Variants in KCNK10 observed in about 807,000 individuals in gnomAD.
KCNK10 encodes the protein potassium two pore domain channel subfamily K member 10.
KCNK10 carries 25 observed loss-of-function variants against 47.7 expected under a neutral mutation model. That is an observed-to-expected ratio of 0.52 (90% CI 0.38 to 0.73). KCNK10 has a LOEUF of 0.73. KCNK10 is among the 30% of genes least tolerant of loss of function. The pLI is 0.00. For missense variants in KCNK10, 563 were observed against 714.5 expected (o/e 0.79, Z 2.42); for synonymous variants, 303 against 285.6 (o/e 1.06, Z -0.61).
At position 88,180,843 on chromosome 14, in the gene KCNK10, G is replaced by C. The variant is rs983912120; in HGVS notation, c.*4692C>G. ...GGCTTTGCTTACAGCCATGTAATTA[G>C]CATGCTGTTCCAAAGTTTCCCTATG... On this transcript the variant is annotated 3_prime_UTR_variant, in exon 7 of 7. Transcript: ENST00000319231. The C allele has an allele frequency of 2.5e-6, 1 of 398,594 alleles. No homozygotes were observed. Among genetic ancestry groups the C allele is most frequent in the African/African-American group, 2.1e-5 (1 of 48,632 alleles). The allele number at this position is 398,594 out of a possible 1,614,324, so 24.7% of individuals were successfully genotyped here.
At chr14:88,253,125 G>A (rs753658579) in intron 2 of KCNK10, among the ~76,000 whole-genome samples, 12 of 152,184 alleles carry the variant, frequency 7.9e-5, no homozygotes, top group Non-Finnish European at 1.5e-4. Context: ...GTGCAATGGA[G>A]AGAGGCAAAT....
At chr14:88,257,055 C>T (rs1886977260) in intron 2 of KCNK10, among the ~76,000 whole-genome samples, 1 of 152,154 alleles carries the variant, frequency 6.6e-6, no homozygotes, top group Non-Finnish European at 1.5e-5. Flanking sequence ...CAGCACATAG[C>T]AGAAATCTTT....
chr14:88,200,595 T>C (rs559949666), intron 4 of KCNK10, among the ~76,000 whole-genome samples: 19 of 152,332 alleles, frequency 1.2e-4, no homozygotes, highest in African/African-American at 4.3e-4. Context: ...AAATAAACCC[T>C]ACACTGGGAA....
At chr14:88,238,923 T>G (rs1265444109) in intron 3 of KCNK10, among the ~76,000 whole-genome samples, 1 of 152,160 alleles carries the variant, frequency 6.6e-6, no homozygotes, top group African/African-American at 2.4e-5. Flanking sequence ...CTGGGATGCC[T>G]GAATGGCCAG....
chr14:88,240,867 ATTT>A (rs369769888), intron 2 of KCNK10, 47 bp from the exon 3 acceptor site: 1 of 1,058,186 alleles, frequency 9.5e-7, no homozygotes, highest in Non-Finnish European at 1.3e-6. Context: ...AAAGTTGTTT[ATTT>A]TTTTTTTCTT....
chr14:88,268,309 G>T (rs78972928), intron 1 of KCNK10, among the ~76,000 whole-genome samples: 1 of 152,184 alleles, frequency 6.6e-6, no homozygotes, highest in Non-Finnish European at 1.5e-5. Context: ...CAACGTACCC[G>T]CAGTGCAAGC....
At position 88,227,551 on chromosome 14, in the gene KCNK10, A is replaced by C; in HGVS notation, c.521-16T>G. The stretch of plus-strand genomic sequence containing the variant: ...TTCCCATACCCTGGTGAGAAATATG[A>C]AAAAGAGGGAGAGTGGCAGAGAAAT... On this transcript the variant is annotated splice_polypyrimidine_tract_variant and intron_variant, in intron 3 of 6. Coordinates refer to ENST00000319231, the MANE Select transcript of KCNK10 (RefSeq NM_138317.3). The C allele has an allele frequency of 6.4e-7, 1 of 1,573,850 alleles. No homozygotes were observed. Among genetic ancestry groups the C allele is most frequent in the Non-Finnish European group, 8.6e-7 (1 of 1,165,378 alleles).
chr14:88,204,586 T>TC (rs1231773733), intron 4 of KCNK10, among the ~76,000 whole-genome samples: 1 of 23,460 alleles, frequency 4.3e-5, no homozygotes, highest in South Asian at 1.7e-3. Flanking sequence ...TTCCCCCAAC[T>TC]CCCCCCTACC....
chr14:88,326,667 G>T, upstream of KCNK10: 1 of 577,750 alleles, frequency 1.7e-6, no homozygotes, highest in Non-Finnish European at 3.0e-6. Flanking sequence ...GGGTGCACTC[G>T]GTGGCAAAGC....
In KCNK10 at chr14:88,185,896, C is replaced by T. The variant is rs202111980; in HGVS notation, c.1271G>A (p.Arg424Gln). 1.6e-5 allele frequency: 26 copies of T among 1,613,886 alleles called. No homozygotes were observed. The Middle Eastern group carries it at 8.2e-4, about 51-fold the overall frequency. ...KASSQESINN[R>Q]PNNLRLKGPE... ...CCCCTTCAGGCGCAGGTTGTTGGGC[C>T]GGTTGTTGATGCTCTCCTGGGATGA... The change falls in exon 7 of 7, where the codon CGG becomes CAG. Residue 424 changes from arginine to glutamine, a missense_variant. Physicochemically the swap from Arg to Gln is conservative, Grantham distance 43 (BLOSUM62 1). Coordinates refer to ENST00000319231, the MANE Select transcript of KCNK10 (RefSeq NM_138317.3). The surrounding 1 kb of genome is among the most constrained non-coding windows in gnomAD (Gnocchi z 4.3).
In KCNK10 at chr14:88,322,437, A is replaced by G. The variant is rs1367549243; in HGVS notation, c.52+310T>C. ...CACACACACACACACACACACACAC[A>G]CACTCGCACACTCAAAGTCAAAAGC... On this transcript the variant is annotated intron_variant, in intron 1 of 6. Coordinates refer to ENST00000319231, the MANE Select transcript of KCNK10 (RefSeq NM_138317.3). The surrounding 1 kb of genome is among the most constrained non-coding windows in gnomAD (Gnocchi z 4.8). 7.4e-6 allele frequency among the ~76,000 whole-genome samples: 1 copy of G among 134,750 alleles called. No individual in the cohort carries two copies. The highest frequency in any genetic ancestry group is 7.5e-5 in the Admixed American group (1 of 13,370). The allele number at this position is 134,750 out of a possible 152,430, so 88.4% of individuals were successfully genotyped here. A position where few individuals can be genotyped will look rare whatever the true frequency, so the allele number is the denominator to read the frequency against.
intron 2 of KCNK10, among the ~76,000 whole-genome samples, chr14:88,250,096 G>A (rs1886752825): frequency 2.0e-5 from 3 of 152,070 alleles, no homozygotes; most frequent in Admixed American, 2.0e-4. Context: ...TCACTTCTGG[G>A]TTTTGGTTTT....
In KCNK10 at chr14:88,274,221, C is replaced by G. The variant is rs527750635; in HGVS notation, c.53-10670G>C. Among the ~76,000 whole-genome samples, 233 of 152,210 alleles carry G rather than the reference C, an allele frequency of 1.5e-3. 1 individual carries two copies. Among genetic ancestry groups the G allele is most frequent in the African/African-American group, 5.5e-3 (228 of 41,540 alleles). On this transcript the variant is annotated intron_variant, in intron 1 of 6. Coordinates refer to ENST00000319231, the MANE Select transcript of KCNK10 (RefSeq NM_138317.3). The stretch of plus-strand genomic sequence containing the variant: ...GCCCTCCCCTCTTCTTCCACACACA[C>G]TTCTCCCTTCCCAGCAAACTCCTTC...
intron 1 of KCNK10, among the ~76,000 whole-genome samples, chr14:88,292,235 G>A (rs999218436): frequency 1.3e-5 from 2 of 152,182 alleles, no homozygotes; most frequent in African/African-American, 4.8e-5. Flanking sequence ...GTGTGCACAA[G>A]GAGGGAAAAG....
At chr14:88,324,729 A>G (rs561297157), upstream of KCNK10, among the ~76,000 whole-genome samples, 1 of 152,190 alleles carries the variant, frequency 6.6e-6, no homozygotes. Context: ...CCACACTAGC[A>G]GCTGATCTCT....
intron 4 of KCNK10, among the ~76,000 whole-genome samples, chr14:88,217,113 T>C (rs1414278394): frequency 1.3e-5 from 2 of 152,216 alleles, no homozygotes; most frequent in Non-Finnish European, 2.9e-5. Context: ...GGCGAGATCA[T>C]GCTACTGCCC....
At chr14:88,309,271 T>C (rs557193059) in intron 1 of KCNK10, among the ~76,000 whole-genome samples, 2 of 152,354 alleles carry the variant, frequency 1.3e-5, no homozygotes, top group South Asian at 4.1e-4. Context: ...TACTGCTCTT[T>C]CTCGATTCTT....
chr14:88,270,921 C>G, intron 1 of KCNK10: 2 of 735,384 alleles, frequency 2.7e-6, no homozygotes, highest in Admixed American at 3.5e-5. Context: ...CTCCCTGACT[C>G]TCCCTTCCAG....
At chr14:88,319,013 T>C (rs2139807188) in intron 1 of KCNK10, among the ~76,000 whole-genome samples, 1 of 152,304 alleles carries the variant, frequency 6.6e-6, no homozygotes, top group Non-Finnish European at 1.5e-5. Flanking sequence ...CAACAAATGA[T>C]GCTGATGATT....
Sources: gnomAD v4.1 joint callset for allele counts (sites outside exome capture counted in the v4.1 genomes callset) on GRCh38, gnomAD v4.1.1 for gene constraint, Gnocchi (gnomAD v3.1) non-coding constraint, MANE v1.5 for transcripts, NCBI Gene and HGNC (gene_info 2026-07-23, HGNC 2026-07-21) for gene names.